RNF40: variants seen among roughly 807,000 people sequenced by gnomAD.
RNF40 encodes the protein ring finger protein 40.
Under a neutral mutation model 123.3 loss-of-function variants are expected in RNF40, and 39 were observed. The ratio of observed to expected loss-of-function variants is 0.32; its 90% CI spans 0.24 to 0.41. The LOEUF is 0.41. Among genes scored for constraint, RNF40 ranks in the 10% least tolerant of loss-of-function variants. The probability of loss-of-function intolerance (pLI) is 1.00; values close to 1 mark genes in which losing one functional copy is unlikely to be tolerated. For missense variants in RNF40, 1,003 were observed against 1,319.9 expected (o/e 0.76, Z 3.72); for synonymous variants, 538 against 526.0 (o/e 1.02, Z -0.31).
At position 30,765,337 on chromosome 16, in the gene RNF40, G is replaced by T; in HGVS notation, c.918+10G>T. 3 of 1,614,186 alleles carry T rather than the reference G, an allele frequency of 1.9e-6. No homozygotes were observed. In the South Asian group the frequency reaches 3.3e-5, roughly 18 times the overall value. ...AGAGGCCTTAGAGCAGGTGGGGCAG[G>T]GGTGCTGGGGCAGGTGAGGCAAGGC... On this transcript the variant is annotated intron_variant, in intron 7 of 19. Coordinates refer to ENST00000324685, the MANE Select transcript of RNF40 (RefSeq NM_014771.4).
At chr16:30,764,488 AT>A (rs1448414068) in intron 5 of RNF40, 103 bp downstream of exon 5, 6 of 1,003,888 alleles carry the variant, frequency 6.0e-6, no homozygotes, top group Non-Finnish European at 8.7e-6. Flanking sequence ...GGCGGCCAGA[AT>A]TTCCCAAGGA....
At chr16:30,770,119 ATTTTTGAGT>A (rs2054121729) in intron 17 of RNF40, among the ~76,000 whole-genome samples, 5 of 98,916 alleles carry the variant, frequency 5.1e-5, no homozygotes, top group Non-Finnish European at 9.9e-5. Context: ...AAAACAAAAG[ATTTTTGAGT>A]TGGAGTCTTG....
In RNF40 at chr16:30,774,765, A is replaced by G. The variant is rs1361506110; in HGVS notation, c.*651A>G. ...ACCTTCCTCATCTTGCAGGTGCTGA[A>G]CCAACATCATCAGTTTCTATTCTAA... On this transcript the variant is annotated 3_prime_UTR_variant, in exon 20 of 20. Coordinates refer to ENST00000324685, the MANE Select transcript of RNF40 (RefSeq NM_014771.4). The G allele has an allele frequency of 8.6e-6, 3 of 349,808 alleles. No individual in the cohort carries two copies. The highest frequency in any genetic ancestry group is 1.7e-5 in the Non-Finnish European group (3 of 176,226). 21.7% of individuals were successfully genotyped at this position (349,808 alleles called of 1,614,324 possible). A position where few individuals can be genotyped will look rare whatever the true frequency, so the allele number is the denominator to read the frequency against.
At position 30,768,399 on chromosome 16, in the gene RNF40, A is replaced by T. The variant is rs781525678; in HGVS notation, c.1848A>T (p.Glu616Asp). 2 of 1,613,782 alleles carry T rather than the reference A, an allele frequency of 1.2e-6. No homozygotes were observed. Among genetic ancestry groups the T allele is most frequent in the Non-Finnish European group, 1.7e-6 (2 of 1,179,900 alleles). ...PEARPKRELR[E>D]REGPSLGPPP... ...CCAGGCCCAAGCGGGAGCTTCGGGAACGGGAAGGTCCCAGCCTAGGACCTC... is the reference window on the plus strand; with the variant it reads ...CCAGGCCCAAGCGGGAGCTTCGGGATCGGGAAGGTCCCAGCCTAGGACCTC... The change falls in exon 13 of 20, where the codon GAA (glutamate) becomes GAT (aspartate). Residue 616 changes from glutamate (E) to aspartate (D), a missense_variant. Around this residue, in one of 11 missense-constraint regions of RNF40, gnomAD observed 295 missense variants for 331.7 expected, o/e 0.89. Coordinates refer to ENST00000324685, the MANE Select transcript of RNF40 (RefSeq NM_014771.4). This position sits in a 1 kb window ranked among gnomAD's most constrained non-coding sequence, Gnocchi z 4.1.
chr16:30,775,804 C>G lies in RNF40; in HGVS notation c.*1690C>G, dbSNP rs746621092. Reference sequence around the variant, plus strand: ...CTATGGCCACGGCAGGGGCCGCGTGCGTCTCAGCGGTGGCGCCTTCGGACC... The same window carrying G: ...CTATGGCCACGGCAGGGGCCGCGTGGGTCTCAGCGGTGGCGCCTTCGGACC... On this transcript the variant is annotated 3_prime_UTR_variant, in exon 20 of 20. Coordinates refer to ENST00000324685, the MANE Select transcript of RNF40 (RefSeq NM_014771.4). 6.6e-6 allele frequency: 1 copy of G among 152,294 alleles called. No individual in the cohort carries two copies. The highest frequency in any genetic ancestry group is 6.5e-5 in the Admixed American group (1 of 15,290). The allele number at this position is 152,294 out of a possible 1,614,324, so 9.4% of individuals were successfully genotyped here. A position where few individuals can be genotyped will look rare whatever the true frequency, so the allele number is the denominator to read the frequency against.
In RNF40 at chr16:30,763,428, C is replaced by T. The variant is rs143962429; in HGVS notation, c.311C>T (p.Thr104Ile). The change falls in exon 4 of 20, where the codon ACT becomes ATT. Residue 104 changes from threonine to isoleucine, a missense_variant. Transcript: ENST00000324685. The part of the protein sequence containing the change: ...VNRYWAQLDE[T>I]VEALLRCHES... ...GTTTTCTCCTTCCAGCTGGATGAAACTGTGGAAGCCCTTCTCCGATGCCAT... is the reference window on the plus strand; with the variant it reads ...GTTTTCTCCTTCCAGCTGGATGAAATTGTGGAAGCCCTTCTCCGATGCCAT... 1 of 1,604,872 alleles carries T rather than the reference C, an allele frequency of 6.2e-7. No individual in the cohort carries two copies. Among genetic ancestry groups the T allele is most frequent in the Admixed American group, 1.7e-5 (1 of 58,214 alleles).
chr16:30,775,155 A>AT lies in RNF40; in HGVS notation c.*1043dup. 2.6e-6 allele frequency: 1 copy of AT among 379,086 alleles called. No homozygotes were observed. Among genetic ancestry groups the AT allele is most frequent in the South Asian group, 1.9e-5 (1 of 52,240 alleles). The allele number at this position is 379,086 out of a possible 1,614,324, so 23.5% of individuals were successfully genotyped here. ...CTAGAGATGCTTGTATAGGCTGTTA[A>AT]TTGTGATGAATAAACGTTCAACCCT... On this transcript the variant is annotated 3_prime_UTR_variant, in exon 20 of 20. Transcript: ENST00000324685.
intron 17 of RNF40, among the ~76,000 whole-genome samples, chr16:30,771,356 G>C (rs1242634630): frequency 6.6e-6 from 1 of 152,042 alleles, no homozygotes; most frequent in Non-Finnish European, 1.5e-5. Flanking sequence ...GGTGGCTCAC[G>C]ACTGTAATCC....
intron 4 of RNF40, among the ~76,000 whole-genome samples, chr16:30,763,976 T>C (rs2053971274): frequency 6.6e-6 from 1 of 152,208 alleles, no homozygotes; most frequent in South Asian, 2.1e-4. Flanking sequence ...CCTGAGGATG[T>C]GATACGCAAC....
Position 30,768,448 on chromosome 16 carries a change from A to T in RNF40, c.1897A>T (p.Arg633Trp). 6.2e-7 allele frequency: 1 copy of T among 1,612,980 alleles called. No homozygotes were observed. The highest frequency in any genetic ancestry group is 1.7e-5 in the Admixed American group (1 of 59,852). ...TCCACCTGTAGCCTCCGCTCTCTCAAGGGCTGATCGGGAGAAGGCCAAGGT... is the reference window on the plus strand; with the variant it reads ...TCCACCTGTAGCCTCCGCTCTCTCATGGGCTGATCGGGAGAAGGCCAAGGT... ...GPPPVASALS[R>W]ADREKAKVEE... is the part of the protein sequence containing the mutation. Residue 633 changes from arginine (R) to tryptophan (W), a missense_variant, in exon 13 of 20, where the codon AGG becomes TGG. Physicochemically the swap from Arg to Trp is moderately radical, Grantham distance 101. Transcript: ENST00000324685. The surrounding 1 kb of genome is among the most constrained non-coding windows in gnomAD (Gnocchi z 4.1).
rs1270722820 is a variant in RNF40 at position 30,768,539 on chromosome 16, CT to C, written c.1979+10del. ...CTCCGAGCAGAGCTCAAGTGAGGCT[CT>C]GTTCCTGTCTCCTTCCTGACCCTGC... is the stretch of plus-strand genomic sequence containing the variant. On this transcript the variant is annotated intron_variant, in intron 13 of 19. Coordinates refer to ENST00000324685, the MANE Select transcript of RNF40 (RefSeq NM_014771.4). This position sits in a 1 kb window ranked among gnomAD's most constrained non-coding sequence, Gnocchi z 4.1. 1.2e-6 allele frequency: 2 copies of C among 1,612,700 alleles called. No homozygotes were observed. Among genetic ancestry groups the C allele is most frequent in the African/African-American group, 2.7e-5 (2 of 74,886 alleles).
intron 17 of RNF40, among the ~76,000 whole-genome samples, chr16:30,769,820 G>A (rs548397912): frequency 9.2e-5 from 14 of 152,292 alleles, no homozygotes; most frequent in Middle Eastern, 3.4e-3. Context: ...TGGTGTTTAC[G>A]GGCGTGGTGG....
intron 17 of RNF40, among the ~76,000 whole-genome samples, chr16:30,771,355 C>G (rs1458402791): frequency 1.3e-5 from 2 of 152,002 alleles, no homozygotes; most frequent in Non-Finnish European, 2.9e-5. Flanking sequence ...TGGTGGCTCA[C>G]GACTGTAATC....
At chr16:30,767,248 C>T (rs917197944) in intron 11 of RNF40, among the ~76,000 whole-genome samples, 3 of 152,086 alleles carry the variant, frequency 2.0e-5, no homozygotes, top group African/African-American at 7.3e-5. Flanking sequence ...CCATGTGGAG[C>T]AACATTCTGA....
chr16:30,769,141 T>C, intron 15 of RNF40, 45 bp from the exon 16 acceptor site: 1 of 1,606,344 alleles, frequency 6.2e-7, no homozygotes, highest in Non-Finnish European at 8.5e-7. Flanking sequence ...ACAGCCATCC[T>C]GTCCACTTCC....
Position 30,762,605 on chromosome 16 carries a change from G to A in RNF40, c.60G>A (p.Lys20=), listed in dbSNP as rs765310578. Residue 20 remains lysine, a synonymous_variant, in exon 2 of 20, where the codon AAG becomes AAA. Coordinates refer to ENST00000324685, the MANE Select transcript of RNF40 (RefSeq NM_014771.4). ...AGDGGSGPPE[K]KLSREEKTTT... ...ACGGGGGCTCAGGGCCCCCGGAAAA[G>A]AAGCTGAGTCGTGAGGAGAAGACCA... 5 of 1,609,576 alleles carry A rather than the reference G, an allele frequency of 3.1e-6. No individual in the cohort carries two copies. The South Asian group carries it at 5.5e-5, about 18-fold the overall frequency.
chr16:30,767,971 C>A lies in RNF40; in HGVS notation c.1507C>A (p.Arg503=). 2.5e-6 allele frequency: 4 copies of A among 1,614,172 alleles called. No homozygotes were observed. The highest frequency in any genetic ancestry group is 3.4e-6 in the Non-Finnish European group (4 of 1,180,028). Residue 503 remains arginine, a synonymous_variant, in exon 12 of 20, where the codon CGA becomes AGA. Coordinates refer to ENST00000324685, the MANE Select transcript of RNF40 (RefSeq NM_014771.4). ...HNHQLKGDAQ[R]YKRKLREVQA... is the part of the protein sequence containing the mutation. The stretch of plus-strand genomic sequence containing the variant: ...CCACCAGCTAAAAGGGGACGCCCAG[C>A]GATACAAGCGGAAGCTTCGAGAAGT...
rs1218083916 is a variant in RNF40, at chr16:30,775,276, G to T, written c.*1162G>T. 4 of 323,850 alleles carry T rather than the reference G, an allele frequency of 1.2e-5. No homozygotes were observed. Among genetic ancestry groups the T allele is most frequent in the African/African-American group, 2.2e-5 (1 of 45,778 alleles). The allele number at this position is 323,850 out of a possible 1,614,324, so 20.1% of individuals were successfully genotyped here. ...GCAGCACTTTGCTGGCTTGGTGTGA[G>T]CCTGGGAGGGCTCAGACTTAACGGC... On this transcript the variant is annotated 3_prime_UTR_variant, in exon 20 of 20. Transcript: ENST00000324685.
rs201807199 is a variant in RNF40, at chr16:30,774,129, G to A, written c.*15G>A. On this transcript the variant is annotated 3_prime_UTR_variant, in exon 20 of 20. Transcript: ENST00000324685. ...ACATCAGCTGAACCTGAAACTCAGG[G>A]GACTCTGGAACACCATGGACCCTGG... The A allele has an allele frequency of 4.5e-4, 730 of 1,607,786 alleles. 1 individual carries two copies. Among genetic ancestry groups the A allele is most frequent in the Non-Finnish European group, 5.3e-4 (622 of 1,175,702 alleles).
Sources: allele counts gnomAD v4.1 joint callset (sites outside exome capture counted in the v4.1 genomes callset), GRCh38; gene constraint gnomAD v4.1.1; regional missense constraint gnomAD v4.1.1; non-coding constraint Gnocchi (gnomAD v3.1); transcripts MANE v1.5; gene names NCBI Gene and HGNC (gene_info 2026-07-23, HGNC 2026-07-21).